ITCH: variants seen among roughly 807,000 people sequenced by gnomAD.
The protein encoded by ITCH is itchy E3 ubiquitin protein ligase, also known as E3 ubiquitin-protein ligase Itchy homolog.
Under a neutral mutation model 126.8 loss-of-function variants are expected in ITCH, and 28 were observed. The observed-to-expected ratio is 0.22, with a 90% confidence interval of 0.16 to 0.30. The LOEUF (loss-of-function observed/expected upper bound fraction) is 0.30. Among genes scored for constraint, ITCH ranks in the 10% least tolerant of loss-of-function variants. The pLI is 1.00. For missense variants in ITCH, 631 were observed against 1,032.4 expected (o/e 0.61, Z 5.33); for synonymous variants, 342 against 340.0 (o/e 1.01, Z -0.06).
At position 34,476,360 on chromosome 20, in the gene ITCH, T is replaced by G. The variant is rs1202068298; in HGVS notation, c.1570-1412T>G. Reference sequence around the variant, plus strand: ...GCGCTCCGGCCCGGTCCCCGGCTCCTCAGCAGGCCGCTGGCTCCAGCGCGG... The same window carrying G: ...GCGCTCCGGCCCGGTCCCCGGCTCCGCAGCAGGCCGCTGGCTCCAGCGCGG... On this transcript the variant is annotated intron_variant, in intron 16 of 24. Coordinates refer to ENST00000374864, the MANE Select transcript of ITCH (RefSeq NM_031483.7). The G allele has an allele frequency of 2.1e-5, 28 of 1,340,882 alleles. No homozygotes were observed. The East Asian group carries it at 7.1e-4, about 34-fold the overall frequency. 83.1% of individuals were successfully genotyped at this position (1,340,882 alleles called of 1,614,324 possible).
intron 20 of ITCH, among the ~76,000 whole-genome samples, chr20:34,486,845 G>A (rs1215874801): frequency 3.3e-5 from 5 of 150,760 alleles, no homozygotes; most frequent in Non-Finnish European, 7.4e-5. Flanking sequence ...CTACAGGCAT[G>A]TGCCACCACA....
intron 3 of ITCH, among the ~76,000 whole-genome samples, chr20:34,397,269 C>T (rs919195277): frequency 6.6e-6 from 1 of 152,192 alleles, no homozygotes; most frequent in African/African-American, 2.4e-5. Context: ...GATCCACCCA[C>T]CTCGGCCTCC....
At chr20:34,386,905 G>A (rs942812327) in intron 2 of ITCH, among the ~76,000 whole-genome samples, 1 of 152,100 alleles carries the variant, frequency 6.6e-6, no homozygotes, top group Admixed American at 6.6e-5. Context: ...TCAGTAAGAT[G>A]TTAAGGTTAA....
chr20:34,434,177 T>G (rs1400780158), intron 7 of ITCH, among the ~76,000 whole-genome samples: 1 of 151,936 alleles, frequency 6.6e-6, no homozygotes, highest in African/African-American at 2.4e-5. Flanking sequence ...CTCAGGAGAC[T>G]GAGGCGGGAG....
At chr20:34,445,260 G>GTTTTTTTTTTTTTT in intron 10 of ITCH, 27 bp from the exon 11 acceptor site, 3 of 1,435,910 alleles carry the variant, frequency 2.1e-6, no homozygotes, top group Non-Finnish European at 1.9e-6. Context: ...GAATTAGCTT[G>GTTTTTTTTTTTTTT]TTTTTTTTTT....
At chr20:34,505,115 C>T (rs1990536520) in intron 24 of ITCH, among the ~76,000 whole-genome samples, 1 of 152,100 alleles carries the variant, frequency 6.6e-6, no homozygotes, top group Admixed American at 6.5e-5. Flanking sequence ...TTGATCTCAG[C>T]TCACTGCAAC....
rs1432208749 is a variant in ITCH, at chr20:34,511,469, A to C, written c.*3675A>C. 1 of 152,110 alleles carries C rather than the reference A, an allele frequency of 6.6e-6. No individual in the cohort carries two copies. The highest frequency in any genetic ancestry group is 1.5e-5 in the Non-Finnish European group (1 of 68,026). The allele number at this position is 152,110 out of a possible 1,614,324, so 9.4% of individuals were successfully genotyped here. On this transcript the variant is annotated 3_prime_UTR_variant, in exon 25 of 25. Transcript: ENST00000374864. Reference sequence around the variant, plus strand: ...TCCCCGGCCCCACCTTCTGAGACTTATATGTGACCAGGTCACATAGATTTC... The same window carrying C: ...TCCCCGGCCCCACCTTCTGAGACTTCTATGTGACCAGGTCACATAGATTTC...
chr20:34,406,965 C>G (rs896557775), intron 3 of ITCH, among the ~76,000 whole-genome samples: 3 of 152,012 alleles, frequency 2.0e-5, no homozygotes, highest in Admixed American at 6.6e-5. Context: ...AGTAGATAAC[C>G]TGGGTGGTGG....
intron 16 of ITCH, among the ~76,000 whole-genome samples, chr20:34,477,143 A>G (rs549051686): frequency 4.6e-5 from 7 of 152,168 alleles, no homozygotes; most frequent in Non-Finnish European, 1.0e-4. Context: ...CTAATAACCA[A>G]ACCACAAAAA....
chr20:34,449,797 A>T (rs548272176), intron 12 of ITCH, among the ~76,000 whole-genome samples: 1 of 152,300 alleles, frequency 6.6e-6, no homozygotes, highest in African/African-American at 2.4e-5. Context: ...GGACTTCAAG[A>T]GTAATTTGCT....
chr20:34,410,382 G>GAGAAAAAAAAAAAAGAATTTATGGA (rs1978835731), intron 4 of ITCH, among the ~76,000 whole-genome samples: 2 of 91,714 alleles, frequency 2.2e-5, no homozygotes, highest in Non-Finnish European at 4.3e-5. Flanking sequence ...TCAAAAAAGA[G>GAGAAAAAAAAAAAAGAATTTATGGA]AGAAAAAAAA....
At chr20:34,476,268 G>T (rs533020825) in intron 16 of ITCH, 1 of 828,846 alleles carries the variant, frequency 1.2e-6, no homozygotes, top group Admixed American at 1.7e-5. Flanking sequence ...TTATAAAGTG[G>T]ACTGTCACTT....
In ITCH at chr20:34,471,407, A is replaced by G. The variant is rs1314464219; in HGVS notation, c.1498-37A>G. 11 of 1,243,940 alleles carry G rather than the reference A, an allele frequency of 8.8e-6. No individual in the cohort carries two copies. The Middle Eastern group carries it at 5.6e-4, about 63-fold the overall frequency. 77.1% of individuals were successfully genotyped at this position (1,243,940 alleles called of 1,614,324 possible). On this transcript the variant is annotated intron_variant, in intron 15 of 24. Coordinates refer to ENST00000374864, the MANE Select transcript of ITCH (RefSeq NM_031483.7). ...TTGATTTTTTTGATAGGCTATTTTAATGATGAGAGTTGACTTAAGTCATTC... is the reference window on the plus strand; with the variant it reads ...TTGATTTTTTTGATAGGCTATTTTAGTGATGAGAGTTGACTTAAGTCATTC...
At chr20:34,491,056 A>C (rs1989473211) in intron 22 of ITCH, among the ~76,000 whole-genome samples, 1 of 152,216 alleles carries the variant, frequency 6.6e-6, no homozygotes, top group Non-Finnish European at 1.5e-5. Context: ...GTAAAGTCAC[A>C]ACTTACCCAT....
chr20:34,408,923 T>C (rs1449622819), intron 4 of ITCH, 131 bp downstream of exon 4: 1 of 940,430 alleles, frequency 1.1e-6, no homozygotes, highest in Non-Finnish European at 1.6e-6. Context: ...TTTTTTTTTT[T>C]CTTTTTCCTA....
chr20:34,490,216 A>G (rs767812683), intron 22 of ITCH, among the ~76,000 whole-genome samples: 7 of 152,218 alleles, frequency 4.6e-5, no homozygotes, highest in Admixed American at 2.6e-4. Context: ...GACTGTCTGT[A>G]GTATGTTTTT....
intron 2 of ITCH, among the ~76,000 whole-genome samples, chr20:34,370,906 C>T (rs560201314): frequency 7.2e-5 from 11 of 151,978 alleles, no homozygotes; most frequent in African/African-American, 2.4e-4. Context: ...CGGTGGCTCA[C>T]GCCTGTAATT....
At chr20:34,475,455 C>T (rs1988108335) in intron 16 of ITCH, among the ~76,000 whole-genome samples, 1 of 152,228 alleles carries the variant, frequency 6.6e-6, no homozygotes, top group Non-Finnish European at 1.5e-5. Flanking sequence ...GAGCTGGAGA[C>T]CGGCCCGGCC....
At chr20:34,419,372 A>G (rs1980425376) in intron 6 of ITCH, among the ~76,000 whole-genome samples, 1 of 151,964 alleles carries the variant, frequency 6.6e-6, no homozygotes, top group Non-Finnish European at 1.5e-5. Context: ...GATAATCACT[A>G]TTCTGAACTT....
Sources: allele counts gnomAD v4.1 joint callset (sites outside exome capture counted in the v4.1 genomes callset), GRCh38; gene constraint gnomAD v4.1.1; transcripts MANE v1.5; gene names NCBI Gene and HGNC (gene_info 2026-07-23, HGNC 2026-07-21).